SRGAP1: variants seen among roughly 807,000 people sequenced by gnomAD.
The protein encoded by SRGAP1 is SLIT-ROBO Rho GTPase activating protein 1, also known as SLIT-ROBO Rho GTPase-activating protein 1.
SRGAP1 carries 43 observed loss-of-function variants against 121.9 expected under a neutral mutation model. The ratio of observed to expected loss-of-function variants is 0.35; its 90% CI spans 0.28 to 0.46. The LOEUF is 0.46. Among genes scored for constraint, SRGAP1 ranks in the 20% least tolerant of loss-of-function variants. SRGAP1 has a pLI of 1.00. For missense variants in SRGAP1, 1,102 were observed against 1,350.9 expected (o/e 0.82, Z 2.89); for synonymous variants, 447 against 485.4 (o/e 0.92, Z 1.04).
chr12:64,014,783 T>C (rs1297524169), intron 3 of SRGAP1, among the ~76,000 whole-genome samples: 1 of 151,998 alleles, frequency 6.6e-6, no homozygotes, highest in African/African-American at 2.4e-5. Context: ...GTTGTTGTTA[T>C]TGTTCTGAAG....
At position 63,865,184 on chromosome 12, in the gene SRGAP1, C is replaced by T. The variant is rs571946018; in HGVS notation, c.67+20301C>T. Among the ~76,000 whole-genome samples the T allele has an allele frequency of 3.1e-4, 47 of 152,224 alleles. No individual in the cohort carries two copies. In the East Asian group the frequency reaches 3.3e-3, roughly 11 times the overall value. ...TGAGTAAAAATCCGTAGGCAGGGCA[C>T]GGTGGCTCACTCCTGTAATCCTAGC... On this transcript the variant is annotated intron_variant, in intron 1 of 21. Coordinates refer to ENST00000355086, the MANE Select transcript of SRGAP1 (RefSeq NM_020762.4).
At chr12:64,136,169 G>C (rs2036853164) in intron 21 of SRGAP1, among the ~76,000 whole-genome samples, 1 of 152,114 alleles carries the variant, frequency 6.6e-6, no homozygotes, top group Non-Finnish European at 1.5e-5. Flanking sequence ...ATACACCCAG[G>C]ATTAATACTT....
chr12:64,008,780 C>T (rs1474302999), intron 3 of SRGAP1, among the ~76,000 whole-genome samples: 1 of 152,094 alleles, frequency 6.6e-6, no homozygotes, highest in East Asian at 1.9e-4. Flanking sequence ...GAATCTCTGC[C>T]TTTTGCTTGC....
intron 1 of SRGAP1, among the ~76,000 whole-genome samples, chr12:63,929,569 C>T (rs768932321): frequency 6.8e-6 from 1 of 146,722 alleles, no homozygotes; most frequent in African/African-American, 2.7e-5. Context: ...TTTAAAGCCC[C>T]CACGAGTTTT....
At chr12:63,874,123 CAT>C (rs1899950860) in intron 1 of SRGAP1, among the ~76,000 whole-genome samples, 1 of 151,826 alleles carries the variant, frequency 6.6e-6, no homozygotes, top group Non-Finnish European at 1.5e-5. Flanking sequence ...TTATAAGCCA[CAT>C]AGATATTCAA....
chr12:64,064,885 G>T (rs2035510116), intron 7 of SRGAP1, among the ~76,000 whole-genome samples: 1 of 152,188 alleles, frequency 6.6e-6, no homozygotes, highest in African/African-American at 2.4e-5. Flanking sequence ...AGTCCTTCCT[G>T]CAGCTGCCAT....
At chr12:64,118,497 AGCCATTTACCT>A (rs2036556915) in intron 18 of SRGAP1, among the ~76,000 whole-genome samples, 1 of 152,142 alleles carries the variant, frequency 6.6e-6, no homozygotes, top group African/African-American at 2.4e-5. Flanking sequence ...CCTGAGCTCA[AGCCATTTACCT>A]GCCTTGGCCT....
chr12:63,895,167 A>G (rs1373627731), intron 1 of SRGAP1, among the ~76,000 whole-genome samples: 2 of 152,224 alleles, frequency 1.3e-5, no homozygotes, highest in Non-Finnish European at 2.9e-5. Context: ...TATGATCGCC[A>G]TATTTTTCAA....
At chr12:63,888,628 GA>G (rs1900472737) in intron 1 of SRGAP1, 1 of 152,286 alleles carries the variant, frequency 6.6e-6, no homozygotes, top group Non-Finnish European at 1.5e-5. Context: ...TCTCTGTGTA[GA>G]AAGGTTTTAT....
At position 63,980,019 on chromosome 12, in the gene SRGAP1, G is replaced by A. The variant is rs1050858341; in HGVS notation, c.68-3928G>A. Among the ~76,000 whole-genome samples, 7 of 152,348 alleles carry A rather than the reference G, an allele frequency of 4.6e-5. No individual in the cohort carries two copies. In the South Asian group the frequency reaches 1.2e-3, roughly 27 times the overall value. Reference sequence around the variant, plus strand: ...GCGGCCCCATGGCAGGATTCATGCAGTGTGGGGCCGAGTGCACCATGGGCT... The same window carrying A: ...GCGGCCCCATGGCAGGATTCATGCAATGTGGGGCCGAGTGCACCATGGGCT... On this transcript the variant is annotated intron_variant, in intron 1 of 21. Transcript: ENST00000355086.
At chr12:64,023,228 G>T (rs953166495) in intron 4 of SRGAP1, among the ~76,000 whole-genome samples, 3 of 118,586 alleles carry the variant, frequency 2.5e-5, no homozygotes, top group Non-Finnish European at 5.3e-5. Flanking sequence ...AAAAAAAAAA[G>T]GAAGGTAACT....
At chr12:63,863,348 C>T (rs1166002181) in intron 1 of SRGAP1, among the ~76,000 whole-genome samples, 1 of 150,852 alleles carries the variant, frequency 6.6e-6, no homozygotes, top group Non-Finnish European at 1.5e-5. Context: ...TCTGGGTTCA[C>T]TGCAACCTCT....
intron 1 of SRGAP1, among the ~76,000 whole-genome samples, chr12:63,900,578 T>G (rs2029883984): frequency 6.6e-6 from 1 of 151,862 alleles, no homozygotes; most frequent in South Asian, 2.1e-4. Context: ...TTTGGGAGGA[T>G]GAGGCGGGAG....
At chr12:63,884,650 ATTGTAACT>A (rs1359208514) in intron 1 of SRGAP1, among the ~76,000 whole-genome samples, 1 of 151,100 alleles carries the variant, frequency 6.6e-6, no homozygotes, top group Non-Finnish European at 1.5e-5. Context: ...CCCGTACCTA[ATTGTAACT>A]TTGTACCCAT....
intron 8 of SRGAP1, among the ~76,000 whole-genome samples, chr12:64,067,651 A>G (rs966965425): frequency 6.6e-6 from 1 of 152,170 alleles, no homozygotes; most frequent in Non-Finnish European, 1.5e-5. Context: ...TAGATACCAT[A>G]AAAATAGAGG....
Position 64,146,476 on chromosome 12 carries a change from C to G in SRGAP1, c.*3804C>G, listed in dbSNP as rs2037054331. ...TTAGGAATGACATAGCCTCTGGAGT[C>G]TACAAACTGAAGAAACTTTCATCTG... On this transcript the variant is annotated 3_prime_UTR_variant, in exon 22 of 22. Coordinates refer to ENST00000355086, the MANE Select transcript of SRGAP1 (RefSeq NM_020762.4). The G allele has an allele frequency of 6.6e-6, 1 of 152,100 alleles. No individual in the cohort carries two copies. The highest frequency in any genetic ancestry group is 1.5e-5 in the Non-Finnish European group (1 of 68,028). The allele number at this position is 152,100 out of a possible 1,614,324, so 9.4% of individuals were successfully genotyped here. A position where few individuals can be genotyped will look rare whatever the true frequency, so the allele number is the denominator to read the frequency against.
chr12:63,855,473 G>GTTTTTTTTTTTTT (rs781701925), intron 1 of SRGAP1, among the ~76,000 whole-genome samples: 5 of 52,938 alleles, frequency 9.4e-5, no homozygotes, highest in African/African-American at 2.9e-4. Flanking sequence ...GAAAAATGGT[G>GTTTTTTTTTTTTT]TTTTTTTTTT....
intron 1 of SRGAP1, among the ~76,000 whole-genome samples, chr12:63,939,129 C>G (rs956618949): frequency 6.7e-6 from 1 of 149,796 alleles, no homozygotes; most frequent in African/African-American, 2.5e-5. Context: ...CACACTAGAT[C>G]CACCATGGGC....
chr12:64,053,054 T>C (rs1454353405), intron 6 of SRGAP1, among the ~76,000 whole-genome samples: 1 of 152,216 alleles, frequency 6.6e-6, no homozygotes, highest in East Asian at 1.9e-4. Context: ...GGCACAAATA[T>C]TGTACAGTCT....
Sources: gnomAD v4.1 joint callset for allele counts (sites outside exome capture counted in the v4.1 genomes callset) on GRCh38, gnomAD v4.1.1 for gene constraint, MANE v1.5 for transcripts, NCBI Gene and HGNC (gene_info 2026-07-23, HGNC 2026-07-21) for gene names.